The following LAD1 variants were observed in gnomAD, a reference collection of about 807,000 sequenced individuals.
LAD1 encodes ladinin-1.
In LAD1, 53 loss-of-function variants were observed where a neutral mutation model predicts 54.2. The observed-to-expected ratio is 0.98, with a 90% CI of 0.78 to 1.23. The LOEUF (loss-of-function observed/expected upper bound fraction) is 1.23, where lower values mean the gene tolerates loss of function less well. LAD1 is among the 50% of genes most tolerant of loss of function. LAD1 has a pLI of 0.00. For synonymous variants in LAD1, 231 were observed against 257.7 expected (o/e 0.90, Z 0.99); for missense variants, 637 against 653.3 (o/e 0.98, Z 0.27).
chr1:201,382,857 A>G, intron 7 of LAD1, 118 bp from the exon 8 acceptor site: 1 of 960,256 alleles, frequency 1.0e-6, no homozygotes, highest in Admixed American at 2.1e-5. Flanking sequence ...AGCACATGCC[A>G]CATATACCTG....
chr1:201,382,869 G>T, intron 7 of LAD1, 130 bp from the exon 8 acceptor site: 1 of 956,122 alleles, frequency 1.0e-6, no homozygotes, highest in Non-Finnish European at 1.6e-6. Context: ...ATATACCTGG[G>T]ACAGCCCCCT....
intron 1 of LAD1, among the ~76,000 whole-genome samples, chr1:201,398,892 C>A (rs1332223874): frequency 6.6e-6 from 1 of 152,200 alleles, no homozygotes; most frequent in East Asian, 1.9e-4. Flanking sequence ...CAGAGACACA[C>A]GGGGGCAGTG....
In LAD1 at chr1:201,389,656, C is replaced by CA. The variant is rs769138180; in HGVS notation, c.39-354dup. ...GGCAACCTCCATCTCTACAAAAATA[C>CA]AAAAAAAAAAAAAAGATTAGCCGGG... On this transcript the variant is annotated intron_variant, in intron 1 of 9. Transcript: ENST00000391967. Among the ~76,000 whole-genome samples, 669 of 128,990 alleles carry CA rather than the reference C, an allele frequency of 5.2e-3. 1 individual carries two copies. Among genetic ancestry groups the CA allele is most frequent in the East Asian group, 0.024 (106 of 4,418 alleles). The allele number at this position is 128,990 out of a possible 152,430, so 84.6% of individuals were successfully genotyped here.
chr1:201,396,427 T>C (rs1293606504), intron 1 of LAD1, among the ~76,000 whole-genome samples: 2 of 152,218 alleles, frequency 1.3e-5, no homozygotes, highest in East Asian at 1.9e-4. Context: ...CTGGGAACTT[T>C]CTTCCTGAAG....
In LAD1 at chr1:201,386,515, C is replaced by G; in HGVS notation, c.846G>C (p.Lys282Asn). The G allele has an allele frequency of 6.3e-7, 1 of 1,595,730 alleles. No homozygotes were observed. The highest frequency in any genetic ancestry group is 8.5e-7 in the Non-Finnish European group (1 of 1,172,324). The change falls in exon 3 of 10, where the codon AAG (lysine) becomes AAC (asparagine). Residue 282 changes from lysine (K) to asparagine (N), a missense_variant. Transcript: ENST00000391967. ...SPTADAKPAP[K>N]RATASEQPLA... ...GGGGCTGCTCTGAGGCTGTGGCCCT[C>G]TTTGGGGCCGGCTTAGCATCTGCAG...
chr1:201,381,957 C>T, intron 9 of LAD1, 64 bp from the exon 10 acceptor site: 1 of 1,557,074 alleles, frequency 6.4e-7, no homozygotes, highest in Middle Eastern at 1.7e-4. Flanking sequence ...GGAAGGGGGC[C>T]ACTGGATAGG....
intron 9 of LAD1, 77 bp downstream of exon 9, chr1:201,382,175 G>A: frequency 8.1e-7 from 1 of 1,236,954 alleles, no homozygotes; most frequent in Non-Finnish European, 1.2e-6. Flanking sequence ...ATTAGTGTGT[G>A]CACACGGGGA....
rs773985312 is a variant in LAD1 at position 201,387,209 on chromosome 1, G to A, written c.183-31C>T. 3 of 1,479,734 alleles carry A rather than the reference G, an allele frequency of 2.0e-6. No homozygotes were observed. In the South Asian group the frequency reaches 4.5e-5, roughly 22 times the overall value. 91.7% of individuals were successfully genotyped at this position (1,479,734 alleles called of 1,614,324 possible). On this transcript the variant is annotated intron_variant, in intron 2 of 9. Transcript: ENST00000391967. ...TCAGAAGATGGGAGACAGAATCAGA[G>A]GATAGAGGTGGAAGATACCCTAAGT...
intron 1 of LAD1, among the ~76,000 whole-genome samples, chr1:201,395,179 A>G (rs184782826): frequency 3.6e-4 from 55 of 152,316 alleles, no homozygotes; most frequent in African/African-American, 1.3e-3. Context: ...TCCCTTCAGC[A>G]GCACCACCCC....
In LAD1 at chr1:201,386,422, G is replaced by C; in HGVS notation, c.939C>G (p.Leu313=). ...CCAAAGAGGGCAGGTTCTTCCCAGG[G>C]AGGGCCCTTCCTCTCTGCTCCTTGG... The part of the protein sequence containing the change: ...ATTKEQRGRA[L]PGKNLPSLAK... The change falls in exon 3 of 10, where the codon CTC becomes CTG. Residue 313 remains leucine, a synonymous_variant. Transcript: ENST00000391967. The C allele has an allele frequency of 6.5e-7, 1 of 1,529,162 alleles. No individual in the cohort carries two copies. The allele number at this position is 1,529,162 out of a possible 1,614,324, so 94.7% of individuals were successfully genotyped here.
chr1:201,384,867 G>T, intron 4 of LAD1, 32 bp from the exon 5 acceptor site: 1 of 1,611,750 alleles, frequency 6.2e-7, no homozygotes, highest in Non-Finnish European at 8.5e-7. Flanking sequence ...TTGTTGTGTG[G>T]GAGTCCCCGG....
At position 201,386,793 on chromosome 1, in the gene LAD1, C is replaced by A; in HGVS notation, c.568G>T (p.Ala190Ser). 6.2e-6 allele frequency: 10 copies of A among 1,614,000 alleles called. No individual in the cohort carries two copies. Among genetic ancestry groups the A allele is most frequent in the Non-Finnish European group, 8.5e-6 (10 of 1,179,996 alleles). Residue 190 changes from alanine to serine, a missense_variant, in exon 3 of 10, where the codon GCA becomes TCA. Transcript: ENST00000391967. ...TCGGAGACCAGGCTCTTTTCAGGTG[C>A]CGTCTTCTTTGGCATGGAGGACTTC... ...LEKSSMPKKT[A>S]PEKSLVSDKT... is the part of the protein sequence containing the mutation.
At chr1:201,391,170 G>C (rs1016695430) in intron 1 of LAD1, 4 of 456,312 alleles carry the variant, frequency 8.8e-6, no homozygotes, top group Non-Finnish European at 1.8e-5. Flanking sequence ...TTCGTGGAAA[G>C]AGTTGAGCCA....
chr1:201,397,810 CCACACA>C (rs4019989), intron 1 of LAD1, among the ~76,000 whole-genome samples: 2 of 150,840 alleles, frequency 1.3e-5, no homozygotes, highest in African/African-American at 4.9e-5. Flanking sequence ...CACAAGTATG[CCACACA>C]CACACACACA....
intron 2 of LAD1, 116 bp downstream of exon 2, chr1:201,389,044 A>T: frequency 8.1e-7 from 1 of 1,235,494 alleles, no homozygotes; most frequent in South Asian, 1.5e-5. Flanking sequence ...ATTCATCATC[A>T]CACCCTTCAG....
In LAD1 at chr1:201,381,790, G is replaced by A. The variant is rs1661965921; in HGVS notation, c.*98C>T. The A allele has an allele frequency of 7.6e-7, 1 of 1,323,344 alleles. No individual in the cohort carries two copies. The highest frequency in any genetic ancestry group is 1.7e-5 in the Admixed American group (1 of 59,520). 82.0% of individuals were successfully genotyped at this position (1,323,344 alleles called of 1,614,324 possible). A position where few individuals can be genotyped will look rare whatever the true frequency, so the allele number is the denominator to read the frequency against. ...GATCCACAGGCAAAAAGGGAACAGG[G>A]ACAATGAGAGGAAAGGGTGCTGCTG... On this transcript the variant is annotated 3_prime_UTR_variant, in exon 10 of 10. Coordinates refer to ENST00000391967, the MANE Select transcript of LAD1 (RefSeq NM_005558.4).
intron 4 of LAD1, among the ~76,000 whole-genome samples, 174 bp downstream of exon 4, chr1:201,385,527 G>A (rs946437747): frequency 6.6e-6 from 1 of 152,204 alleles, no homozygotes. Context: ...TTACTAACCT[G>A]TTCTCCTCTG....
chr1:201,386,651 C>T lies in LAD1; in HGVS notation c.710G>A (p.Ser237Asn), dbSNP rs1231193616. Residue 237 changes from serine (S) to asparagine (N), a missense_variant, in exon 3 of 10, where the codon AGT becomes AAT. Ser to Asn is a conservative substitution (Grantham distance 46, BLOSUM62 1). Transcript: ENST00000391967. ...SEKKSVLEKT[S>N]VSEKSLAPGM... is the part of the protein sequence containing the mutation. ...TGGGGCCAGCGACTTCTCAGAGACACTGGTTTTTTCTAGAACAGACTTCTT... is the reference window on the plus strand; with the variant it reads ...TGGGGCCAGCGACTTCTCAGAGACATTGGTTTTTTCTAGAACAGACTTCTT... The T allele has an allele frequency of 5.0e-6, 8 of 1,614,066 alleles. No individual in the cohort carries two copies. The Admixed American group carries it at 1.0e-4, about 20-fold the overall frequency.
At chr1:201,392,454 A>C (rs1245426342) in intron 1 of LAD1, among the ~76,000 whole-genome samples, 1 of 152,212 alleles carries the variant, frequency 6.6e-6, no homozygotes, top group African/African-American at 2.4e-5. Context: ...AAGTGACATG[A>C]GAGAAGGTGG....
Sources: gnomAD v4.1 joint callset for allele counts (sites outside exome capture counted in the v4.1 genomes callset) on GRCh38, gnomAD v4.1.1 for gene constraint, MANE v1.5 for transcripts, NCBI Gene and HGNC (gene_info 2026-07-23, HGNC 2026-07-21) for gene names.